DYNC1I2: variants seen among roughly 807,000 people sequenced by gnomAD.
DYNC1I2 encodes the protein dynein cytoplasmic 1 intermediate chain 2.
DYNC1I2 carries 53 observed loss-of-function variants against 88.6 expected under a neutral mutation model. The observed-to-expected ratio is 0.60, with a 90% CI of 0.48 to 0.75. The LOEUF is 0.75. Ranked by LOEUF, DYNC1I2 falls within the 30% of genes least tolerant of loss-of-function variation. The pLI, the probability that DYNC1I2 is intolerant of heterozygous loss-of-function variation, is 0.00. For missense variants in DYNC1I2, 458 were observed against 766.6 expected, an observed-to-expected ratio of 0.60 and a Z score of 4.75; for synonymous variants, 198 against 254.6, an observed-to-expected ratio of 0.78 and a Z score of 2.12.
intron 11 of DYNC1I2, 128 bp downstream of exon 11, chr2:171,727,044 A>C: frequency 9.6e-7 from 1 of 1,042,290 alleles, no homozygotes; most frequent in Non-Finnish European, 1.3e-6. Flanking sequence ...AAACCACTCC[A>C]TATTTGCAAA....
rs55862813 is a variant in DYNC1I2 at position 171,710,122 on chromosome 2, TACACACACACACACAC to T, written c.336-2617_336-2602del. Among the ~76,000 whole-genome samples, 162 of 144,440 alleles carry T rather than the reference TACACACACACACACAC, an allele frequency of 1.1e-3. 3 individuals are homozygous for T. Among genetic ancestry groups the T allele is most frequent in the South Asian group, 4.4e-3 (19 of 4,310 alleles). The allele number at this position is 144,440 out of a possible 152,430, so 94.8% of individuals were successfully genotyped here. A position where few individuals can be genotyped will look rare whatever the true frequency, so the allele number is the denominator to read the frequency against. The stretch of plus-strand genomic sequence containing the variant: ...GAGTATATTCATTTTTATGTATATA[TACACACACACACACAC>T]ACACACACACACACACACACACACA... On this transcript the variant is annotated intron_variant, in intron 5 of 17. Transcript: ENST00000397119.
intron 3 of DYNC1I2, 101 bp from the exon 4 acceptor site, chr2:171,706,446 G>A: frequency 1.1e-6 from 1 of 930,894 alleles, no homozygotes; most frequent in Non-Finnish European, 1.7e-6. Flanking sequence ...CTAGGGGAAA[G>A]CACTTGCTGT....
At chr2:171,736,712 A>G (rs1689033730) in intron 15 of DYNC1I2, among the ~76,000 whole-genome samples, 2 of 152,186 alleles carry the variant, frequency 1.3e-5, no homozygotes, top group Non-Finnish European at 2.9e-5. Flanking sequence ...CTATTTTAAT[A>G]GACACATTTG....
chr2:171,697,461 C>T (rs964445670), intron 3 of DYNC1I2, among the ~76,000 whole-genome samples: 6 of 152,112 alleles, frequency 3.9e-5, no homozygotes, highest in Non-Finnish European at 8.8e-5. Context: ...TCACATTTAG[C>T]TTTTATCCCT....
chr2:171,689,825 A>G (rs1353736176), intron 1 of DYNC1I2, among the ~76,000 whole-genome samples: 1 of 149,930 alleles, frequency 6.7e-6, no homozygotes, highest in Non-Finnish European at 1.5e-5. Context: ...AATCCTTCCA[A>G]GTAGTTGGGA....
chr2:171,708,061 T>TCA (rs758094120), intron 5 of DYNC1I2, among the ~76,000 whole-genome samples: 56 of 137,820 alleles, frequency 4.1e-4, no homozygotes, highest in African/African-American at 7.5e-4. Flanking sequence ...TTCCTCTTTG[T>TCA]CTCTCTCACA....
chr2:171,728,619 TAATA>T, intron 13 of DYNC1I2, 94 bp from the exon 14 acceptor site: 6 of 1,103,272 alleles, frequency 5.4e-6, no homozygotes, highest in Non-Finnish European at 7.5e-6. Context: ...TTTATGTAAA[TAATA>T]AAAGAATTGT....
At chr2:171,733,767 TG>T (rs57073602) in intron 15 of DYNC1I2, among the ~76,000 whole-genome samples, 42,471 of 149,976 alleles carry the variant, frequency 0.28, 6,258 homozygotes, top group African/African-American at 0.37. Flanking sequence ...GGGGTTTTTT[TG>T]TTTTTGTTTT....
chr2:171,742,429 C>A (rs1041551234), intron 15 of DYNC1I2, among the ~76,000 whole-genome samples: 1 of 152,180 alleles, frequency 6.6e-6, no homozygotes, highest in African/African-American at 2.4e-5. Context: ...ACCTTGGCTT[C>A]TCAAAGTGCT....
chr2:171,732,769 T>G (rs905734351), intron 15 of DYNC1I2, among the ~76,000 whole-genome samples: 3 of 152,236 alleles, frequency 2.0e-5, no homozygotes, highest in Non-Finnish European at 4.4e-5. Flanking sequence ...TTAGATGTGC[T>G]TTCATCTTAG....
At chr2:171,725,075 A>C (rs961082978) in intron 7 of DYNC1I2, among the ~76,000 whole-genome samples, 2 of 152,228 alleles carry the variant, frequency 1.3e-5, no homozygotes, top group Non-Finnish European at 2.9e-5. Flanking sequence ...CTGCCTCTCA[A>C]ATAGCAACCT....
intron 11 of DYNC1I2, 108 bp from the exon 12 acceptor site, chr2:171,727,713 A>G: frequency 1.0e-6 from 1 of 974,564 alleles, no homozygotes; most frequent in Non-Finnish European, 1.5e-6. Context: ...TATAACCTCT[A>G]ATACCATACA....
Position 171,731,910 on chromosome 2 carries a change from A to C in DYNC1I2, c.1536+2057A>C, listed in dbSNP as rs867719373. On this transcript the variant is annotated intron_variant, in intron 15 of 17. Transcript: ENST00000397119. The stretch of plus-strand genomic sequence containing the variant: ...AAGACAGTTAAAGGATGCAGTATGA[A>C]ACCGCTCAGTGAGCCTTCCGTCTTT... 2.0e-5 allele frequency among the ~76,000 whole-genome samples: 3 copies of C among 152,192 alleles called. No homozygotes were observed. The South Asian group carries it at 6.2e-4, about 32-fold the overall frequency.
At chr2:171,715,135 A>T (rs878990662) in intron 6 of DYNC1I2, among the ~76,000 whole-genome samples, 193 bp from the exon 7 acceptor site, 6 of 152,314 alleles carry the variant, frequency 3.9e-5, no homozygotes, top group Admixed American at 3.9e-4. Context: ...AATGATTCAG[A>T]AATATCTTTT....
At position 171,747,823 on chromosome 2, in the gene DYNC1I2, A is replaced by G. The variant is rs918027966; in HGVS notation, c.1851A>G (p.Thr617=). The G allele has an allele frequency of 4.0e-5, 64 of 1,611,302 alleles. No individual in the cohort carries two copies. The highest frequency in any genetic ancestry group is 5.0e-5 in the Non-Finnish European group (59 of 1,179,492). ...RNDEWARFGR[T]LAEINANRAD... ...ATGAATGGGCACGGTTTGGCCGAAC[A>G]CTTGCAGAAATTAATGCAAACCGAG... Residue 617 remains threonine (T), a synonymous_variant, in exon 18 of 18, where the codon ACA becomes ACG. Coordinates refer to ENST00000397119, the MANE Select transcript of DYNC1I2 (RefSeq NM_001378.3).
intron 15 of DYNC1I2, among the ~76,000 whole-genome samples, chr2:171,739,467 T>C (rs1300408589): frequency 6.6e-6 from 1 of 152,106 alleles, no homozygotes; most frequent in African/African-American, 2.4e-5. Context: ...CTCTGCAATA[T>C]TAAAATCAAG....
At chr2:171,712,624 A>ATT in intron 5 of DYNC1I2, 143 bp from the exon 6 acceptor site, 28 of 511,146 alleles carry the variant, frequency 5.5e-5, no homozygotes, top group East Asian at 1.0e-4. Flanking sequence ...TTTGTTTTCG[A>ATT]TTTTTTTTTT....
At chr2:171,715,513 C>T (rs989249794) in intron 7 of DYNC1I2, 70 bp downstream of exon 7, 6 of 1,056,064 alleles carry the variant, frequency 5.7e-6, no homozygotes, top group Non-Finnish European at 6.7e-6. Context: ...TTTTTTCTTC[C>T]TTTGATTTTT....
Position 171,707,397 on chromosome 2 carries a change from A to G in DYNC1I2, c.335+20A>G. Reference sequence around the variant, plus strand: ...ATCTAGGTACAGTAATTTTCCTTTTAATGTTTTAATGATAGAATGCATTCA... The same window carrying G: ...ATCTAGGTACAGTAATTTTCCTTTTGATGTTTTAATGATAGAATGCATTCA... On this transcript the variant is annotated intron_variant, in intron 5 of 17. Transcript: ENST00000397119. The G allele has an allele frequency of 6.3e-7, 1 of 1,599,758 alleles. No individual in the cohort carries two copies.
Sources: gnomAD v4.1 joint callset for allele counts (sites outside exome capture counted in the v4.1 genomes callset) on GRCh38, gnomAD v4.1.1 for gene constraint, MANE v1.5 for transcripts, NCBI Gene and HGNC (gene_info 2026-07-23, HGNC 2026-07-21) for gene names.